The following TNFSF4 variants were observed in gnomAD, a reference collection of about 807,000 sequenced individuals.
TNFSF4 encodes TNF superfamily member 4.
In TNFSF4, 4 loss-of-function variants were observed where a neutral mutation model predicts 7.3. The ratio of observed to expected loss-of-function variants is 0.55; its 90% CI spans 0.27 to 1.25. The LOEUF (loss-of-function observed/expected upper bound fraction) is 1.25. TNFSF4 is among the 50% of genes most tolerant of loss of function. TNFSF4 has a pLI of 0.12. For synonymous variants in TNFSF4, 76 were observed against 83.7 expected (o/e 0.91, Z 0.50); for missense variants, 181 against 208.8 (o/e 0.87, Z 0.82).
At chr1:173,322,301 T>G in the TNFSF4 span, among the ~76,000 whole-genome samples, 1 of 151,914 alleles carries the variant, frequency 6.6e-6, no homozygotes, top group African/African-American at 2.4e-5. Context: ...CGTCTAGGTT[T>G]TAAGCCCCAT....
chr1:173,403,066 A>G, the TNFSF4 span, among the ~76,000 whole-genome samples: 1 of 152,042 alleles, frequency 6.6e-6, no homozygotes, highest in Non-Finnish European at 1.5e-5. Flanking sequence ...TGCCCAGGCT[A>G]ATCTCAAACT....
At chr1:173,305,727 T>A in the TNFSF4 span, among the ~76,000 whole-genome samples, 16,154 of 151,128 alleles carry the variant, frequency 0.11, 882 homozygotes, top group African/African-American at 0.13. Context: ...TGACTCACAG[T>A]TTCACATGGC....
chr1:173,370,496 A>G, the TNFSF4 span, among the ~76,000 whole-genome samples: 8 of 152,220 alleles, frequency 5.3e-5, no homozygotes, highest in African/African-American at 1.4e-4. Context: ...TAATTATTCA[A>G]TGATGCCCAC....
chr1:173,222,369 T>A, the TNFSF4 span, among the ~76,000 whole-genome samples: 1 of 152,118 alleles, frequency 6.6e-6, no homozygotes, highest in Non-Finnish European at 1.5e-5. Flanking sequence ...AGTCCCAACC[T>A]TAATCAGGGA....
chr1:173,308,131 T>C, the TNFSF4 span, among the ~76,000 whole-genome samples: 5 of 151,982 alleles, frequency 3.3e-5, no homozygotes, highest in Admixed American at 2.0e-4. Flanking sequence ...GCAATATGTG[T>C]TGCAAATATC....
chr1:173,255,761 C>T, the TNFSF4 span, among the ~76,000 whole-genome samples: 4 of 152,138 alleles, frequency 2.6e-5, no homozygotes, highest in African/African-American at 9.7e-5. Flanking sequence ...AAGAAATAAC[C>T]ATCTCTTTGC....
the TNFSF4 span, among the ~76,000 whole-genome samples, chr1:173,258,718 G>C: frequency 6.6e-6 from 1 of 152,216 alleles, no homozygotes; most frequent in African/African-American, 2.4e-5. Flanking sequence ...GGGCAGCACA[G>C]CAGCTGTGGC....
rs955294431 is a variant in TNFSF4 at position 173,184,022 on chromosome 1, A to G, written c.*2494T>C. 4 of 152,238 alleles carry G rather than the reference A, an allele frequency of 2.6e-5. No homozygotes were observed. The highest frequency in any genetic ancestry group is 3.2e-3 in the Middle Eastern group (1 of 316). The allele number at this position is 152,238 out of a possible 1,614,324, so 9.4% of individuals were successfully genotyped here. On this transcript the variant is annotated 3_prime_UTR_variant, in exon 3 of 3. Transcript: ENST00000281834. Reference sequence around the variant, plus strand: ...AAGATGTAAGCTTGTCCAGAAAAAAATACATTCAACATAGTAAAGGAGAAG... The same window carrying G: ...AAGATGTAAGCTTGTCCAGAAAAAAGTACATTCAACATAGTAAAGGAGAAG...
chr1:173,420,889 G>A, the TNFSF4 span, among the ~76,000 whole-genome samples: 11 of 152,182 alleles, frequency 7.2e-5, 1 homozygote, highest in South Asian at 6.2e-4. Flanking sequence ...TTTCCCCAAA[G>A]GCTCCTGTAT....
chr1:173,426,512 T>C, the TNFSF4 span, among the ~76,000 whole-genome samples: 2 of 152,220 alleles, frequency 1.3e-5, no homozygotes, highest in African/African-American at 4.8e-5. Context: ...ACTTTGCAAC[T>C]ATGATTAAAT....
the TNFSF4 span, among the ~76,000 whole-genome samples, chr1:173,228,797 A>T: frequency 4.6e-5 from 7 of 152,376 alleles, no homozygotes; most frequent in East Asian, 1.3e-3. Flanking sequence ...AAGCTTCAGT[A>T]GCTGATTCAA....
At chr1:173,297,122 C>T in the TNFSF4 span, among the ~76,000 whole-genome samples, 1 of 151,850 alleles carries the variant, frequency 6.6e-6, no homozygotes, top group African/African-American at 2.4e-5. Context: ...GAGAAAGATA[C>T]AGAAAATACA....
intron 1 of TNFSF4, among the ~76,000 whole-genome samples, chr1:173,195,721 C>T (rs1649669639): frequency 6.6e-6 from 1 of 152,202 alleles, no homozygotes; most frequent in African/African-American, 2.4e-5. Flanking sequence ...GCAAATGATA[C>T]TCACCAAGCA....
the TNFSF4 span, among the ~76,000 whole-genome samples, chr1:173,281,224 GA>G: frequency 1.3e-4 from 19 of 149,812 alleles, no homozygotes; most frequent in African/African-American, 3.4e-4. Context: ...AACAAAAAAA[GA>G]AAAAAAAAGG....
chr1:173,340,114 G>T, the TNFSF4 span, among the ~76,000 whole-genome samples: 6 of 152,238 alleles, frequency 3.9e-5, no homozygotes, highest in East Asian at 7.7e-4. Flanking sequence ...AATTCCTTCT[G>T]TCTGACTGTC....
chr1:173,446,114 C>T, the TNFSF4 span, among the ~76,000 whole-genome samples: 1 of 151,822 alleles, frequency 6.6e-6, no homozygotes, highest in African/African-American at 2.4e-5. Flanking sequence ...AAAGTACAGT[C>T]AATAAATGCT....
At chr1:173,353,633 C>T in the TNFSF4 span, among the ~76,000 whole-genome samples, 1 of 152,086 alleles carries the variant, frequency 6.6e-6, no homozygotes, top group African/African-American at 2.4e-5. Context: ...TGTATTGATA[C>T]AGAATTTCGT....
chr1:173,439,822 C>T, the TNFSF4 span, among the ~76,000 whole-genome samples: 1 of 152,152 alleles, frequency 6.6e-6, no homozygotes, highest in Non-Finnish European at 1.5e-5. Context: ...TCAAGCCTAC[C>T]CTCCTCCAAA....
At chr1:173,178,852 G>T (rs1019649342), downstream of TNFSF4, among the ~76,000 whole-genome samples, 4 of 152,148 alleles carry the variant, frequency 2.6e-5, no homozygotes, top group Admixed American at 2.6e-4. Flanking sequence ...TTTCCAGGGG[G>T]TTCCTAAATG....
Sources: gnomAD v4.1 joint callset for allele counts (sites outside exome capture counted in the v4.1 genomes callset) on GRCh38, gnomAD v4.1.1 for gene constraint, MANE v1.5 for transcripts, NCBI Gene and HGNC (gene_info 2026-07-23, HGNC 2026-07-21) for gene names.